Variants in NLGN1 observed in about 807,000 individuals in gnomAD.
NLGN1 encodes the protein neuroligin-1.
Under a neutral mutation model 65.5 loss-of-function variants are expected in NLGN1, and 12 were observed. The observed-to-expected ratio is 0.18, with a 90% CI of 0.12 to 0.30. The LOEUF (loss-of-function observed/expected upper bound fraction) is 0.30, where lower values mean the gene tolerates loss of function less well. Ranked by LOEUF, NLGN1 falls within the 10% of genes least tolerant of loss-of-function variation. The pLI, the probability that NLGN1 is intolerant of heterozygous loss-of-function variation, is 1.00. For synonymous variants in NLGN1, 350 were observed against 359.5 expected (o/e 0.97, Z 0.30); for missense variants, 750 against 1,007.1 (o/e 0.74, Z 3.46).
intron 4 of NLGN1, among the ~76,000 whole-genome samples, chr3:173,905,089 G>A (rs1396619333): frequency 1.3e-5 from 2 of 152,118 alleles, no homozygotes; most frequent in Non-Finnish European, 2.9e-5. Context: ...CCCGCCTGAT[G>A]CAAAGAACTG....
chr3:173,487,552 C>G (rs891320324), intron 2 of NLGN1, among the ~76,000 whole-genome samples: 5 of 151,798 alleles, frequency 3.3e-5, no homozygotes, highest in African/African-American at 1.2e-4. Context: ...AGATATTAAC[C>G]TATCTATGTT....
At chr3:173,462,835 A>G (rs1411139944) in intron 2 of NLGN1, among the ~76,000 whole-genome samples, 2 of 152,236 alleles carry the variant, frequency 1.3e-5, no homozygotes, top group Non-Finnish European at 2.9e-5. Flanking sequence ...AGAACTTGAC[A>G]GTACCAAACA....
At chr3:174,207,906 A>C (rs1735730291) in intron 4 of NLGN1, among the ~76,000 whole-genome samples, 1 of 152,192 alleles carries the variant, frequency 6.6e-6, no homozygotes. Context: ...GCAAACTAGA[A>C]CTGCTTGCCA....
rs1398277770 is a variant in NLGN1 at position 174,005,799 on chromosome 3, A to G, written c.646+197967A>G. On this transcript the variant is annotated intron_variant, in intron 4 of 6. Coordinates refer to ENST00000457714, the Ensembl canonical transcript of NLGN1. The stretch of plus-strand genomic sequence containing the variant: ...GAGGTGCCTGGGGTCTCTTTTATTT[A>G]CTAGCTATGTAACAGTAGATAAAAT... Among the ~76,000 whole-genome samples, 4 of 152,106 alleles carry G rather than the reference A, an allele frequency of 2.6e-5. No individual in the cohort carries two copies. The South Asian group carries it at 6.2e-4, about 24-fold the overall frequency.
At chr3:173,480,722 A>G (rs1727139745) in intron 2 of NLGN1, among the ~76,000 whole-genome samples, 1 of 152,084 alleles carries the variant, frequency 6.6e-6, no homozygotes, top group Non-Finnish European at 1.5e-5. Context: ...ATTCCACTCA[A>G]TTAGTCAATC....
chr3:174,034,897 T>TA (rs200538865), intron 4 of NLGN1, among the ~76,000 whole-genome samples: 27 of 151,808 alleles, frequency 1.8e-4, no homozygotes, highest in African/African-American at 1.9e-4. Context: ...TGAGGGTGGA[T>TA]AAAAAAAAGA....
chr3:173,518,359 A>G (rs1208526652), intron 2 of NLGN1, among the ~76,000 whole-genome samples: 1 of 151,364 alleles, frequency 6.6e-6, no homozygotes. Context: ...TTTTTTGATG[A>G]GCTGTTTCCA....
chr3:174,280,219 C>A lies in NLGN1; in HGVS notation c.1650-262C>A, dbSNP rs1406190422. On this transcript the variant is annotated intron_variant, in intron 6 of 6. Transcript: ENST00000457714. The surrounding 1 kb of genome is among the most constrained non-coding windows in gnomAD (Gnocchi z 4.9). Reference sequence around the variant, plus strand: ...TACGTATGTGAGTATTTAAATAATTCTTTAAAATCTTTGGGTAGATAGCAG... The same window carrying A: ...TACGTATGTGAGTATTTAAATAATTATTTAAAATCTTTGGGTAGATAGCAG... 1.3e-5 allele frequency among the ~76,000 whole-genome samples: 2 copies of A among 151,936 alleles called. No homozygotes were observed. The highest frequency in any genetic ancestry group is 2.9e-5 in the Non-Finnish European group (2 of 67,924).
chr3:173,632,845 T>G (rs530562819), intron 3 of NLGN1, among the ~76,000 whole-genome samples: 1 of 74,500 alleles, frequency 1.3e-5, no homozygotes, highest in Non-Finnish European at 2.6e-5. Flanking sequence ...GTGTTTTTTT[T>G]TTTGTTTTTT....
At chr3:173,716,052 A>G (rs1485948530) in intron 3 of NLGN1, among the ~76,000 whole-genome samples, 2 of 152,178 alleles carry the variant, frequency 1.3e-5, no homozygotes, top group Non-Finnish European at 2.9e-5. Flanking sequence ...TCATAAGACA[A>G]TTCTACCATT....
chr3:173,699,450 G>A (rs910992007), intron 3 of NLGN1, among the ~76,000 whole-genome samples: 1 of 152,186 alleles, frequency 6.6e-6, no homozygotes, highest in Admixed American at 6.5e-5. Flanking sequence ...TTATTCAAAT[G>A]TGTCATGAGG....
At chr3:173,420,185 C>T (rs2148690607) in intron 1 of NLGN1, among the ~76,000 whole-genome samples, 1 of 151,696 alleles carries the variant, frequency 6.6e-6, no homozygotes, top group Admixed American at 6.6e-5. Context: ...ATTAACTTGT[C>T]ATTTAGCATT....
intron 3 of NLGN1, among the ~76,000 whole-genome samples, chr3:173,748,318 A>G (rs367772856): frequency 2.2e-4 from 34 of 152,208 alleles, no homozygotes; most frequent in African/African-American, 7.7e-4. Context: ...TACAGGCAGA[A>G]CATTACATCT....
At chr3:173,549,102 T>C (rs1740410112) in intron 2 of NLGN1, among the ~76,000 whole-genome samples, 1 of 152,034 alleles carries the variant, frequency 6.6e-6, no homozygotes. Context: ...ATTGGTTTTT[T>C]AAAGTACTGA....
intron 1 of NLGN1, among the ~76,000 whole-genome samples, chr3:173,422,933 A>G (rs945377677): frequency 6.6e-6 from 1 of 152,192 alleles, no homozygotes; most frequent in African/African-American, 2.4e-5. Flanking sequence ...TAAAGATACT[A>G]TCTGAGACTA....
At chr3:174,130,969 T>C (rs985886653) in intron 4 of NLGN1, among the ~76,000 whole-genome samples, 1 of 152,180 alleles carries the variant, frequency 6.6e-6, no homozygotes, top group Non-Finnish European at 1.5e-5. Context: ...GGATATAAAC[T>C]TTTTTCTGTG....
intron 4 of NLGN1, among the ~76,000 whole-genome samples, chr3:173,849,922 A>C (rs1303763242): frequency 6.6e-6 from 1 of 152,172 alleles, no homozygotes; most frequent in Non-Finnish European, 1.5e-5. Context: ...GTAATACAGT[A>C]ATATACTATA....
rs373634573 is a variant in NLGN1, at chr3:173,519,376, T to C, written c.-321+84298T>C. Among the ~76,000 whole-genome samples, 14 of 152,274 alleles carry C rather than the reference T, an allele frequency of 9.2e-5. No individual in the cohort carries two copies. In the East Asian group the frequency reaches 1.2e-3, roughly 13 times the overall value. ...CACTATCCTCCATACTCCAGAATGG[T>C]AGATCTACCGGCAGCTTGCACCATG... is the stretch of plus-strand genomic sequence containing the variant. On this transcript the variant is annotated intron_variant, in intron 2 of 6. Coordinates refer to ENST00000457714, the Ensembl canonical transcript of NLGN1.
chr3:173,742,000 C>A (rs1774726092), intron 3 of NLGN1, among the ~76,000 whole-genome samples: 1 of 152,104 alleles, frequency 6.6e-6, no homozygotes, highest in African/African-American at 2.4e-5. Context: ...CAAAACCAGT[C>A]TCACTCTAAT....
Sources: allele counts gnomAD v4.1 joint callset (sites outside exome capture counted in the v4.1 genomes callset), GRCh38; gene constraint gnomAD v4.1.1; non-coding constraint Gnocchi (gnomAD v3.1); transcripts MANE v1.5; gene names NCBI Gene and HGNC (gene_info 2026-07-23, HGNC 2026-07-21).